The following KCTD16 variants were observed in gnomAD, a reference collection of about 807,000 sequenced individuals.
KCTD16 encodes potassium channel tetramerization domain containing 16.
Under a neutral mutation model 33.2 loss-of-function variants are expected in KCTD16, and 13 were observed. That is an observed-to-expected ratio of 0.39 (90% CI 0.25 to 0.62). KCTD16 has a LOEUF of 0.62. Among genes scored for constraint, KCTD16 ranks in the 20% least tolerant of loss-of-function variants. The pLI, the probability that KCTD16 is intolerant of heterozygous loss-of-function variation, is 0.50. For missense variants in KCTD16, 441 were observed against 525.1 expected (o/e 0.84, Z 1.57); for synonymous variants, 197 against 195.3 (o/e 1.01, Z -0.07).
At chr5:144,319,059 T>C (rs939851633) in intron 3 of KCTD16, among the ~76,000 whole-genome samples, 3 of 152,092 alleles carry the variant, frequency 2.0e-5, no homozygotes, top group African/African-American at 7.2e-5. Context: ...TACTATGATA[T>C]AGTATAGTTC....
chr5:144,423,748 A>C (rs1753261466), intron 3 of KCTD16, among the ~76,000 whole-genome samples: 1 of 152,190 alleles, frequency 6.6e-6, no homozygotes, highest in Non-Finnish European at 1.5e-5. Context: ...TCTACAGATT[A>C]AATGAACAGG....
intron 3 of KCTD16, among the ~76,000 whole-genome samples, chr5:144,276,191 GAC>G (rs1755432991): frequency 6.6e-6 from 1 of 152,146 alleles, no homozygotes; most frequent in South Asian, 2.1e-4. Flanking sequence ...ATAATTCTGA[GAC>G]ACATCAATAG....
intron 3 of KCTD16, among the ~76,000 whole-genome samples, chr5:144,324,314 T>C (rs949541549): frequency 6.6e-6 from 1 of 152,172 alleles, no homozygotes; most frequent in African/African-American, 2.4e-5. Context: ...ACCAGTCAAA[T>C]GGACTTTTAG....
intron 3 of KCTD16, among the ~76,000 whole-genome samples, chr5:144,427,255 G>T (rs772268472): frequency 6.6e-6 from 1 of 151,922 alleles, no homozygotes; most frequent in African/African-American, 2.4e-5. Flanking sequence ...ATTAAGCGGG[G>T]GGAGGGGGGT....
intron 3 of KCTD16, among the ~76,000 whole-genome samples, chr5:144,224,221 A>G (rs1753854824): frequency 6.6e-6 from 1 of 152,042 alleles, no homozygotes. Context: ...TTTTTTTTAT[A>G]ACAACAAAAA....
At chr5:144,284,048 G>A (rs961902651) in intron 3 of KCTD16, among the ~76,000 whole-genome samples, 9 of 152,096 alleles carry the variant, frequency 5.9e-5, no homozygotes, top group African/African-American at 9.7e-5. Context: ...CTTTTAGGTG[G>A]ATTATTCTCA....
At chr5:144,256,012 T>C (rs1754835762) in intron 3 of KCTD16, among the ~76,000 whole-genome samples, 1 of 152,208 alleles carries the variant, frequency 6.6e-6, no homozygotes, top group South Asian at 2.1e-4. Flanking sequence ...ACACTTTAAA[T>C]ACCAAGTCAG....
At chr5:144,230,800 G>A (rs986285152) in intron 3 of KCTD16, among the ~76,000 whole-genome samples, 2 of 152,146 alleles carry the variant, frequency 1.3e-5, no homozygotes, top group Non-Finnish European at 2.9e-5. Flanking sequence ...GAATGATCAG[G>A]GATATTGTCC....
intron 3 of KCTD16, among the ~76,000 whole-genome samples, chr5:144,409,720 G>A (rs1431728628): frequency 6.6e-6 from 1 of 152,072 alleles, no homozygotes; most frequent in African/African-American, 2.4e-5. Context: ...TTGGCTGGAT[G>A]TGGTGGGAAT....
At chr5:144,240,101 A>G (rs138506907) in intron 3 of KCTD16, among the ~76,000 whole-genome samples, 5 of 152,288 alleles carry the variant, frequency 3.3e-5, no homozygotes, top group African/African-American at 1.2e-4. Flanking sequence ...TGAACTTCAG[A>G]AAATTAAGTA....
chr5:144,246,904 C>T (rs1754565480), intron 3 of KCTD16, among the ~76,000 whole-genome samples: 1 of 152,156 alleles, frequency 6.6e-6, no homozygotes. Context: ...ACTTTGGAGT[C>T]AGTTATACAT....
At chr5:144,464,074 G>A (rs192114214) in intron 3 of KCTD16, among the ~76,000 whole-genome samples, 21 of 152,268 alleles carry the variant, frequency 1.4e-4, no homozygotes, top group Non-Finnish European at 2.6e-4. Context: ...TTTCCATTTC[G>A]TGAAAAGTGA....
At chr5:144,372,899 T>C (rs1031388882) in intron 3 of KCTD16, among the ~76,000 whole-genome samples, 1 of 152,196 alleles carries the variant, frequency 6.6e-6, no homozygotes, top group Non-Finnish European at 1.5e-5. Context: ...TATTTCATTT[T>C]TTTGCCACTG....
chr5:144,201,075 G>A (rs1441020480), intron 2 of KCTD16, among the ~76,000 whole-genome samples: 1 of 152,130 alleles, frequency 6.6e-6, no homozygotes, highest in Non-Finnish European at 1.5e-5. Context: ...TCCCCCATTG[G>A]TAGGATTTTG....
intron 2 of KCTD16, among the ~76,000 whole-genome samples, chr5:144,201,095 G>T (rs891937418): frequency 3.9e-5 from 6 of 152,164 alleles, no homozygotes; most frequent in Admixed American, 1.3e-4. Context: ...GAGTTTGTGT[G>T]TGCATTTGCA....
intron 2 of KCTD16, among the ~76,000 whole-genome samples, chr5:144,180,777 A>G (rs905794403): frequency 4.6e-5 from 7 of 152,092 alleles, no homozygotes; most frequent in African/African-American, 1.4e-4. Flanking sequence ...TAGTCTGGGG[A>G]AGAGTATCCT....
chr5:144,320,567 G>C (rs1472007905), intron 3 of KCTD16, among the ~76,000 whole-genome samples: 1 of 152,124 alleles, frequency 6.6e-6, no homozygotes, highest in Admixed American at 6.6e-5. Context: ...TGTTTAGAGG[G>C]AGGTTAAAGT....
chr5:144,447,262 G>A (rs1204169615), intron 3 of KCTD16, among the ~76,000 whole-genome samples: 2 of 152,030 alleles, frequency 1.3e-5, no homozygotes, highest in Non-Finnish European at 1.5e-5. Context: ...TAGCAGGGAC[G>A]TGGATGAAGC....
At chr5:144,465,481 C>G (rs190425830) in intron 3 of KCTD16, among the ~76,000 whole-genome samples, 53 of 152,184 alleles carry the variant, frequency 3.5e-4, no homozygotes, top group Admixed American at 2.4e-3. Context: ...GGCTGTGTTT[C>G]CTCATTGTAA....
Sources: allele counts gnomAD v4.1 joint callset (sites outside exome capture counted in the v4.1 genomes callset), GRCh38; gene constraint gnomAD v4.1.1; transcripts MANE v1.5; gene names NCBI Gene and HGNC (gene_info 2026-07-23, HGNC 2026-07-21).